Variants in ABCC5 observed in about 807,000 individuals in gnomAD.
ABCC5 encodes ATP-binding cassette sub-family C member 5.
In ABCC5, 61 loss-of-function variants were observed where a neutral mutation model predicts 160.9. The observed-to-expected ratio is 0.38, with a 90% confidence interval of 0.31 to 0.47. The LOEUF is 0.47. Among genes scored for constraint, ABCC5 ranks in the 20% least tolerant of loss-of-function variants. The pLI, the probability that ABCC5 is intolerant of heterozygous loss-of-function variation, is 0.99. For synonymous variants in ABCC5, 666 were observed against 700.6 expected (o/e 0.95, Z 0.78); for missense variants, 1,308 against 1,813.3 (o/e 0.72, Z 5.06).
intron 2 of ABCC5, among the ~76,000 whole-genome samples, chr3:183,995,081 A>G (rs1720156397): frequency 6.6e-6 from 1 of 152,044 alleles, no homozygotes; most frequent in Non-Finnish European, 1.5e-5. Flanking sequence ...CCTGGGCTCA[A>G]GCGATCCTCC....
intron 17 of ABCC5, among the ~76,000 whole-genome samples, chr3:183,958,347 T>G (rs1210623260): frequency 6.6e-6 from 1 of 152,222 alleles, no homozygotes; most frequent in African/African-American, 2.4e-5. Flanking sequence ...AATCTCAGAA[T>G]AAGCCTCCCT....
In ABCC5 at chr3:183,920,705, C is replaced by A. The variant is rs1272179366; in HGVS notation, c.*595G>T. Reference sequence around the variant, plus strand: ...CCAGCCGCCCACCCGTCTCCAGCCACCCCTGGAGCGGCCGTGGGGAGGCGG... The same window carrying A: ...CCAGCCGCCCACCCGTCTCCAGCCAACCCTGGAGCGGCCGTGGGGAGGCGG... On this transcript the variant is annotated 3_prime_UTR_variant, in exon 30 of 30. Transcript: ENST00000334444. The surrounding 1 kb of genome is among the most constrained non-coding windows in gnomAD (Gnocchi z 4.1). 6.5e-6 allele frequency: 1 copy of A among 152,700 alleles called. No individual in the cohort carries two copies. The highest frequency in any genetic ancestry group is 1.5e-5 in the Non-Finnish European group (1 of 68,084). 9.5% of individuals were successfully genotyped at this position (152,700 alleles called of 1,614,324 possible). A position where few individuals can be genotyped will look rare whatever the true frequency, so the allele number is the denominator to read the frequency against.
chr3:183,925,669 T>A lies in ABCC5; in HGVS notation c.4098A>T (p.Leu1366Phe). 1 of 1,614,094 alleles carries A rather than the reference T, an allele frequency of 6.2e-7. No individual in the cohort carries two copies. The highest frequency in any genetic ancestry group is 8.5e-7 in the Non-Finnish European group (1 of 1,180,010). The change falls in exon 29 of 30, where the codon TTA (leucine) becomes TTT (phenylalanine). Residue 1366 changes from leucine to phenylalanine, a missense_variant. Transcript: ENST00000334444. ...ATAAMDTETD[L>F]LIQETIREAF... ...CTTCTCGGATGGTCTCTTGAATCAA[T>A]AAGTCTGTCTCTGTGTCCATGGCAG... is the stretch of plus-strand genomic sequence containing the variant.
At chr3:183,985,399 C>T in intron 5 of ABCC5, 1 of 1,603,744 alleles carries the variant, frequency 6.2e-7, no homozygotes. Flanking sequence ...GCTTCTGTCA[C>T]TGGTTCCACT....
At chr3:184,015,772 C>T (rs1048677294) in intron 1 of ABCC5, among the ~76,000 whole-genome samples, 2 of 152,018 alleles carry the variant, frequency 1.3e-5, no homozygotes, top group African/African-American at 2.4e-5. Flanking sequence ...GCAGCAATCA[C>T]GTCATTGAGA....
chr3:183,961,445 C>T, intron 16 of ABCC5, 66 bp downstream of exon 16: 1 of 1,575,382 alleles, frequency 6.3e-7, no homozygotes, highest in Non-Finnish European at 8.6e-7. Context: ...CTCTCCATCA[C>T]TCACTCCGGC....
In ABCC5 at chr3:183,925,599, T is replaced by C; in HGVS notation, c.4168A>G (p.Thr1390Ala). Residue 1390 changes from threonine to alanine, a missense_variant, in exon 29 of 30, where the codon ACG becomes GCG. Physicochemically the swap from Thr to Ala is moderately conservative, Grantham distance 58. This residue lies in a region of ABCC5 where 163 missense variants were observed against 269.7 expected (regional missense o/e 0.60). Transcript: ENST00000334444. Reference sequence around the variant, plus strand: ...ATAATCCTATCGGAGCCTAGAACCGTGTGCAGGCGATGGGCAATGGTCAGC... The same window carrying C: ...ATAATCCTATCGGAGCCTAGAACCGCGTGCAGGCGATGGGCAATGGTCAGC... ...TMLTIAHRLH[T>A]VLGSDRIMVL... is the part of the protein sequence containing the mutation. The C allele has an allele frequency of 6.2e-7, 1 of 1,613,934 alleles. No homozygotes were observed. Among genetic ancestry groups the C allele is most frequent in the Non-Finnish European group, 8.5e-7 (1 of 1,179,980 alleles).
chr3:184,016,471 G>C (rs766426324), intron 1 of ABCC5, among the ~76,000 whole-genome samples: 1 of 152,152 alleles, frequency 6.6e-6, no homozygotes, highest in Admixed American at 6.5e-5. Flanking sequence ...CGAAGAGCTG[G>C]GAATCCTGAC....
At chr3:183,946,019 T>C in intron 23 of ABCC5, 80 bp from the exon 24 acceptor site, 3 of 1,293,256 alleles carry the variant, frequency 2.3e-6, no homozygotes, top group Non-Finnish European at 3.4e-6. Flanking sequence ...TTCCTTCATC[T>C]AGAGGACTAC....
chr3:183,980,554 C>T (rs554487023), intron 8 of ABCC5, among the ~76,000 whole-genome samples: 3 of 152,282 alleles, frequency 2.0e-5, no homozygotes, highest in South Asian at 2.1e-4. Context: ...AAGGCAGCCC[C>T]GTCCACTGCT....
chr3:183,974,459 C>T (rs1199864311), intron 10 of ABCC5, among the ~76,000 whole-genome samples: 4 of 152,094 alleles, frequency 2.6e-5, no homozygotes, highest in East Asian at 1.9e-4. Context: ...CAGGTGCCCA[C>T]CACCACACCC....
intron 9 of ABCC5, 137 bp from the exon 10 acceptor site, chr3:183,977,761 T>G: frequency 1.6e-6 from 1 of 614,494 alleles, no homozygotes; most frequent in Middle Eastern, 2.6e-4. Flanking sequence ...AATTACATTT[T>G]TTTTTTTTTG....
chr3:183,927,423 T>C lies in ABCC5; in HGVS notation c.3954A>G (p.Lys1318=). 1 of 1,613,256 alleles carries C rather than the reference T, an allele frequency of 6.2e-7. No homozygotes were observed. Among genetic ancestry groups the C allele is most frequent in the Middle Eastern group, 1.6e-4 (1 of 6,062 alleles). The change falls in exon 28 of 30, where the codon AAA becomes AAG. Residue 1318 remains lysine (K), a synonymous_variant. Transcript: ENST00000334444. ...MKECIAQLPL[K]LESEVMENGD... ...CATTCTCCATCACTTCAGATTCAAG[T>C]TTCAGAGGTAGCTGAGCAATCTAGG...
At chr3:183,925,510 T>A (rs2108756243) in intron 29 of ABCC5, 45 bp downstream of exon 29, 1 of 1,603,240 alleles carries the variant, frequency 6.2e-7, no homozygotes, top group Non-Finnish European at 8.5e-7. Context: ...AGGGGCCAGT[T>A]TCCTCCCAGA....
rs75837440 is a variant in ABCC5, at chr3:183,991,054, T to G, written c.130-1671A>C. Among the ~76,000 whole-genome samples, 993 of 152,202 alleles carry G rather than the reference T, an allele frequency of 6.5e-3. 11 individuals are homozygous for G. The highest frequency in any genetic ancestry group is 0.022 in the African/African-American group (924 of 41,548). The stretch of plus-strand genomic sequence containing the variant: ...GCATGGTGGCTCGCGCCTGTAATCC[T>G]GACACTTTGGAAGGATCGGTTGAGC... On this transcript the variant is annotated intron_variant, in intron 2 of 29. Coordinates refer to ENST00000334444, the MANE Select transcript of ABCC5 (RefSeq NM_005688.4).
At chr3:183,947,303 G>T (rs780733059) in intron 23 of ABCC5, 21 bp downstream of exon 23, 4 of 1,561,054 alleles carry the variant, frequency 2.6e-6, no homozygotes, top group Non-Finnish European at 3.5e-6. Context: ...CAAAGATGAC[G>T]CTCCTATCCC....
intron 11 of ABCC5, among the ~76,000 whole-genome samples, chr3:183,968,858 C>G (rs1451856809): frequency 6.6e-6 from 1 of 152,230 alleles, no homozygotes; most frequent in Non-Finnish European, 1.5e-5. Flanking sequence ...GGCCCCGTGA[C>G]TTAACCTAAT....
rs751690401 is a variant in ABCC5, at chr3:183,953,140, G to C, written c.2613C>G (p.Gly871=). 4.3e-6 allele frequency: 7 copies of C among 1,613,970 alleles called. No homozygotes were observed. The East Asian group carries it at 1.3e-4, about 31-fold the overall frequency. Residue 871 remains glycine, a synonymous_variant, in exon 18 of 30, where the codon GGC becomes GGG. Coordinates refer to ENST00000334444, the MANE Select transcript of ABCC5 (RefSeq NM_005688.4). Reference sequence around the variant, plus strand: ...ACCACCAGGTGCTGAAGGCGGTGCTGCCTACATTCAGCATGAAAAGGGCCA... The same window carrying C: ...ACCACCAGGTGCTGAAGGCGGTGCTCCCTACATTCAGCATGAAAAGGGCCA... ...VIMALFMLNV[G]STAFSTWWLS...
At chr3:183,925,825 T>C in intron 28 of ABCC5, 106 bp from the exon 29 acceptor site, 2 of 1,161,420 alleles carry the variant, frequency 1.7e-6, no homozygotes, top group South Asian at 1.7e-5. Context: ...CACTATCTAT[T>C]GTTTTCTTTT....
Sources: gnomAD v4.1 joint callset for allele counts (sites outside exome capture counted in the v4.1 genomes callset) on GRCh38, gnomAD v4.1.1 for gene constraint, gnomAD v4.1.1 regional missense constraint, Gnocchi (gnomAD v3.1) non-coding constraint, MANE v1.5 for transcripts, NCBI Gene and HGNC (gene_info 2026-07-23, HGNC 2026-07-21) for gene names.